Variants in CASQ1 observed in about 807,000 individuals in gnomAD.
The protein encoded by CASQ1 is calsequestrin 1, also known as calsequestrin-1.
In CASQ1, 40 loss-of-function variants were observed where a neutral mutation model predicts 49.5. The observed-to-expected ratio is 0.81, with a 90% CI of 0.63 to 1.05. CASQ1 has a LOEUF of 1.05. Among genes scored for constraint, CASQ1 ranks in the 50% least tolerant of loss-of-function variants. The pLI, the probability that CASQ1 is intolerant of heterozygous loss-of-function variation, is 0.00. For synonymous variants in CASQ1, 174 were observed against 187.2 expected, an observed-to-expected ratio of 0.93 and a Z score of 0.58; for missense variants, 469 against 486.9, an observed-to-expected ratio of 0.96 and a Z score of 0.35.
At chr1:160,195,652 GCC>G (rs66663076) in intron 5 of CASQ1, 118 bp downstream of exon 5, 19 of 718,918 alleles carry the variant, frequency 2.6e-5, no homozygotes, top group African/African-American at 2.2e-4. Context: ...CTCCCTACCT[GCC>G]CCCCCCCCCG....
rs758365814 is a variant in CASQ1, at chr1:160,199,071, G to A, written c.984+18G>A. The A allele has an allele frequency of 2.8e-5, 39 of 1,416,524 alleles. 1 individual carries two copies. In the South Asian group the frequency reaches 4.5e-4, roughly 16 times the overall value. The allele number at this position is 1,416,524 out of a possible 1,614,324, so 87.7% of individuals were successfully genotyped here. ...TCCCCCTGGTAAGAGGCACAGCTCA[G>A]GCACTGCTATCTTAAGGTGGGGCCT... On this transcript the variant is annotated intron_variant, in intron 9 of 10. Coordinates refer to ENST00000368078, the MANE Select transcript of CASQ1 (RefSeq NM_001231.5).
chr1:160,196,943 A>G (rs564578895), intron 6 of CASQ1, among the ~76,000 whole-genome samples: 1 of 152,320 alleles, frequency 6.6e-6, no homozygotes, highest in East Asian at 1.9e-4. Flanking sequence ...GCCCAGGGAT[A>G]CTGCTAAACA....
chr1:160,193,933 A>G, intron 3 of CASQ1, 86 bp downstream of exon 3: 1 of 774,292 alleles, frequency 1.3e-6, no homozygotes, highest in Middle Eastern at 2.7e-4. Context: ...CTGACACTGC[A>G]CACACACACC....
Position 160,195,986 on chromosome 1 carries a change from T to C in CASQ1, c.741T>C (p.Asn247=), listed in dbSNP as rs1354806868. The change falls in exon 6 of 11, where the codon AAT becomes AAC. Residue 247 remains asparagine (N), a synonymous_variant. Coordinates refer to ENST00000368078, the MANE Select transcript of CASQ1 (RefSeq NM_001231.5). ...CTGTGACCATCCCAGACAAGCCCAA[T>C]AGCGAAGAGGAGATTGTCAACTTCG... ...EEPVTIPDKP[N]SEEEIVNFVE... 1.2e-6 allele frequency: 2 copies of C among 1,613,876 alleles called. No individual in the cohort carries two copies. The highest frequency in any genetic ancestry group is 1.7e-5 in the Admixed American group (1 of 60,010).
intron 2 of CASQ1, among the ~76,000 whole-genome samples, chr1:160,193,258 T>G (rs2101672027): frequency 6.6e-6 from 1 of 152,128 alleles, no homozygotes; most frequent in African/African-American, 2.4e-5. Context: ...GTTAGAGCAG[T>G]CAGCCACTAG....
rs779224128 is a variant in CASQ1 at position 160,199,021 on chromosome 1, A to G, written c.952A>G (p.Ile318Val). Reference sequence around the variant, plus strand: ...TAACACTGAAAACCCAGATCTTAGCATCATCTGGATTGACCCTGATGACTT... The same window carrying G: ...TAACACTGAAAACCCAGATCTTAGCGTCATCTGGATTGACCCTGATGACTT... ...QDNTENPDLSIIWIDPDDFPL... is the reference protein window; with the variant it reads ...QDNTENPDLSVIWIDPDDFPL... Residue 318 changes from isoleucine to valine, a missense_variant, in exon 9 of 11, where the codon ATC (isoleucine) becomes GTC (valine). Ile to Val is a conservative substitution (Grantham distance 29, BLOSUM62 3). Coordinates refer to ENST00000368078, the MANE Select transcript of CASQ1 (RefSeq NM_001231.5). The G allele has an allele frequency of 5.0e-6, 8 of 1,612,340 alleles. No homozygotes were observed. Among genetic ancestry groups the G allele is most frequent in the East Asian group, 2.2e-5 (1 of 44,894 alleles).
chr1:160,196,912 TA>T (rs1472335059), intron 6 of CASQ1, among the ~76,000 whole-genome samples: 3 of 152,184 alleles, frequency 2.0e-5, no homozygotes, highest in African/African-American at 7.2e-5. Context: ...TGCAGAGTGC[TA>T]CTAGTATTTA....
chr1:160,195,753 A>T, intron 5 of CASQ1, 144 bp from the exon 6 acceptor site: 1 of 968,798 alleles, frequency 1.0e-6, no homozygotes, highest in Non-Finnish European at 1.6e-6. Flanking sequence ...CAGGCAAGTT[A>T]AGACACTTGT....
At chr1:160,197,762 TA>T (rs1237902665) in intron 7 of CASQ1, 148 bp downstream of exon 7, 1 of 645,586 alleles carries the variant, frequency 1.5e-6, no homozygotes. Context: ...CTCATGCCTG[TA>T]ATCCCAGCAC....
chr1:160,193,874 C>T, intron 3 of CASQ1, 27 bp downstream of exon 3: 1 of 1,546,002 alleles, frequency 6.5e-7, no homozygotes, highest in Non-Finnish European at 8.9e-7. Context: ...ACCTGACGGC[C>T]TTGCTTGAAA....
chr1:160,195,228 C>T (rs1027430514), intron 4 of CASQ1, 105 bp downstream of exon 4: 13 of 775,338 alleles, frequency 1.7e-5, no homozygotes, highest in Non-Finnish European at 2.4e-5. Flanking sequence ...CTCTGCACTT[C>T]CCACCTCTTC....
chr1:160,193,284 T>G (rs1454309504), intron 2 of CASQ1, among the ~76,000 whole-genome samples: 1 of 151,958 alleles, frequency 6.6e-6, no homozygotes, highest in African/African-American at 2.4e-5. Flanking sequence ...AGCACAGGCT[T>G]GAGACGGGAT....
In CASQ1 at chr1:160,193,826, C is replaced by A; in HGVS notation, c.444C>A (p.Thr148=). Reference sequence around the variant, plus strand: ...ACGATGGCGAGTTTTCTGCTGACACCATCGTGGAGTTTCTGCTTGATGTAA... The same window carrying A: ...ACGATGGCGAGTTTTCTGCTGACACAATCGTGGAGTTTCTGCTTGATGTAA... ...IEYDGEFSAD[T]IVEFLLDVLE... Residue 148 remains threonine (T), a synonymous_variant, in exon 3 of 11, where the codon ACC becomes ACA. Coordinates refer to ENST00000368078, the MANE Select transcript of CASQ1 (RefSeq NM_001231.5). 1.9e-6 allele frequency: 3 copies of A among 1,612,346 alleles called. No individual in the cohort carries two copies. The highest frequency in any genetic ancestry group is 2.5e-6 in the Non-Finnish European group (3 of 1,178,718).
At chr1:160,200,007 G>A in intron 10 of CASQ1, 82 bp downstream of exon 10, 1 of 941,036 alleles carries the variant, frequency 1.1e-6, no homozygotes, top group Non-Finnish European at 1.7e-6. Context: ...TGCTAACTAG[G>A]AGTTGGGCCC....
At position 160,190,973 on chromosome 1, in the gene CASQ1, C is replaced by A. The variant is rs1654060822; in HGVS notation, c.222C>A (p.Pro74=). 2 of 1,614,078 alleles carry A rather than the reference C, an allele frequency of 1.2e-6. No homozygotes were observed. Among genetic ancestry groups the A allele is most frequent in the Non-Finnish European group, 1.7e-6 (2 of 1,180,000 alleles). Residue 74 remains proline, a synonymous_variant, in exon 1 of 11, where the codon CCC becomes CCA. Coordinates refer to ENST00000368078, the MANE Select transcript of CASQ1 (RefSeq NM_001231.5). ...TGCTGGCACTCCTCTACCATGAACC[C>A]CCCGAGGATGACAAGGCCTCACAAA... is the stretch of plus-strand genomic sequence containing the variant. ...YEVLALLYHE[P]PEDDKASQRQ... is the part of the protein sequence containing the mutation.
In CASQ1 at chr1:160,199,020, C is replaced by A; in HGVS notation, c.951C>A (p.Ser317Arg). The change falls in exon 9 of 11, where the codon AGC (serine) becomes AGA (arginine). Residue 317 changes from serine (S) to arginine (R), a missense_variant. Transcript: ENST00000368078. ...ATAACACTGAAAACCCAGATCTTAGCATCATCTGGATTGACCCTGATGACT... is the reference window on the plus strand; with the variant it reads ...ATAACACTGAAAACCCAGATCTTAGAATCATCTGGATTGACCCTGATGACT... ...AQDNTENPDL[S>R]IIWIDPDDFP... 6.2e-7 allele frequency: 1 copy of A among 1,612,262 alleles called. No homozygotes were observed. Among genetic ancestry groups the A allele is most frequent in the Non-Finnish European group, 8.5e-7 (1 of 1,178,234 alleles).
chr1:160,191,136 G>A, intron 1 of CASQ1, 106 bp downstream of exon 1: 2 of 1,256,760 alleles, frequency 1.6e-6, no homozygotes, highest in South Asian at 1.4e-5. Flanking sequence ...GGGGTGAGGG[G>A]CAGTGTGGTA....
chr1:160,196,495 C>T (rs79199672), intron 6 of CASQ1, among the ~76,000 whole-genome samples: 14 of 149,834 alleles, frequency 9.3e-5, no homozygotes, highest in African/African-American at 1.5e-4. Context: ...TTTTTTCTTC[C>T]GAGACCGAGT....
At position 160,198,678 on chromosome 1, in the gene CASQ1, A is replaced by G; in HGVS notation, c.830A>G (p.Glu277Gly). The stretch of plus-strand genomic sequence containing the variant: ...GTTCTCCTTCTTACCCCCTGACAGG[A>G]GGATGATATGGATGGAATCCACATT... ...LKPESMYETW[E>G]DDMDGIHIVA... The change falls in exon 8 of 11, where the codon GAG (glutamate) becomes GGG (glycine). Residue 277 changes from glutamate (E) to glycine (G), a missense_variant and splice_region_variant. Coordinates refer to ENST00000368078, the MANE Select transcript of CASQ1 (RefSeq NM_001231.5). 1 of 1,612,634 alleles carries G rather than the reference A, an allele frequency of 6.2e-7. No homozygotes were observed. Among genetic ancestry groups the G allele is most frequent in the Non-Finnish European group, 8.5e-7 (1 of 1,178,668 alleles).
Sources: allele counts gnomAD v4.1 joint callset (sites outside exome capture counted in the v4.1 genomes callset), GRCh38; gene constraint gnomAD v4.1.1; transcripts MANE v1.5; gene names NCBI Gene and HGNC (gene_info 2026-07-23, HGNC 2026-07-21).